Variants in KAT2A observed in about 807,000 individuals in gnomAD.
The protein encoded by KAT2A is histone acetyltransferase KAT2A.
A neutral mutation model predicts 95.2 loss-of-function variants in KAT2A; 42 were observed. That is an observed-to-expected ratio of 0.44 (90% CI 0.34 to 0.57). KAT2A has a LOEUF of 0.57. Ranked by LOEUF, KAT2A falls within the 20% of genes least tolerant of loss-of-function variation. KAT2A has a pLI of 0.01. For synonymous variants in KAT2A, 449 were observed against 448.2 expected, an observed-to-expected ratio of 1.00 and a Z score of -0.02; for missense variants, 784 against 1,126.3, an observed-to-expected ratio of 0.70 and a Z score of 4.35.
At position 42,113,380 on chromosome 17, in the gene KAT2A, C is replaced by T. The variant is rs536654150; in HGVS notation, c.*269G>A. 1 of 349,316 alleles carries T rather than the reference C, an allele frequency of 2.9e-6. No homozygotes were observed. The highest frequency in any genetic ancestry group is 2.2e-5 in the African/African-American group (1 of 46,318). 21.6% of individuals were successfully genotyped at this position (349,316 alleles called of 1,614,324 possible). A position where few individuals can be genotyped will look rare whatever the true frequency, so the allele number is the denominator to read the frequency against. On this transcript the variant is annotated 3_prime_UTR_variant, in exon 18 of 18. Transcript: ENST00000225916. Reference sequence around the variant, plus strand: ...GGACCAGGCCTGGGGGCCACCACGGCTGGGCAAGGTTCATCCCTGGCCACC... The same window carrying T: ...GGACCAGGCCTGGGGGCCACCACGGTTGGGCAAGGTTCATCCCTGGCCACC...
At chr17:42,115,609 G>A in intron 12 of KAT2A, 114 bp downstream of exon 12, 1 of 728,068 alleles carries the variant, frequency 1.4e-6, no homozygotes, top group Non-Finnish European at 2.5e-6. Context: ...CTCCTGGCAG[G>A]TGTCAGGTGA....
chr17:42,119,548 G>T lies in KAT2A; in HGVS notation c.870C>A (p.Val290=). 6.3e-7 allele frequency: 1 copy of T among 1,595,976 alleles called. No individual in the cohort carries two copies. Among genetic ancestry groups the T allele is most frequent in the South Asian group, 1.1e-5 (1 of 88,728 alleles). Residue 290 remains valine (V), a synonymous_variant, in exon 5 of 18, where the codon GTC becomes GTA. Transcript: ENST00000225916. This position sits in a 1 kb window ranked among gnomAD's most constrained non-coding sequence, Gnocchi z 5.3. ...CTGGCTGGGCCTACCTGGTGTAATT[G>T]ACCTTGTAGGTAGCCACGTCCTCAG... The part of the protein sequence containing the change: ...SQAEDVATYK[V]NYTRWLCYCH...
intron 12 of KAT2A, 132 bp downstream of exon 12, chr17:42,115,591 T>G: frequency 2.9e-6 from 2 of 681,806 alleles, no homozygotes; most frequent in Non-Finnish European, 5.4e-6. Flanking sequence ...AAGATAGGCA[T>G]GGAGACTCTC....
rs546798267 is a variant in KAT2A, at chr17:42,115,707, C to T, written c.1875+16G>A. 18 of 1,523,052 alleles carry T rather than the reference C, an allele frequency of 1.2e-5. No individual in the cohort carries two copies. The highest frequency in any genetic ancestry group is 6.7e-5 in the East Asian group (3 of 44,454). The allele number at this position is 1,523,052 out of a possible 1,614,324, so 94.3% of individuals were successfully genotyped here. ...CTCCAGGCAAAGGACCGGTGTGGGA[C>T]GAGGCTACGGGTCACCTGCTTTTTG... is the stretch of plus-strand genomic sequence containing the variant. On this transcript the variant is annotated intron_variant, in intron 12 of 17. Coordinates refer to ENST00000225916, the MANE Select transcript of KAT2A (RefSeq NM_021078.3).
chr17:42,113,646 G>A lies in KAT2A; in HGVS notation c.*3C>T, dbSNP rs374588466. Reference sequence around the variant, plus strand: ...AGGTCAGGGCTGCGGCCCAAAGATGGGCCTACTTGTCAATGAGGCCTCCCT... The same window carrying A: ...AGGTCAGGGCTGCGGCCCAAAGATGAGCCTACTTGTCAATGAGGCCTCCCT... On this transcript the variant is annotated 3_prime_UTR_variant, in exon 18 of 18. Transcript: ENST00000225916. 10 of 1,604,822 alleles carry A rather than the reference G, an allele frequency of 6.2e-6. No homozygotes were observed. The highest frequency in any genetic ancestry group is 8.5e-6 in the Non-Finnish European group (10 of 1,177,362).
chr17:42,116,446 G>A (rs782013815), intron 11 of KAT2A, among the ~76,000 whole-genome samples: 2 of 152,228 alleles, frequency 1.3e-5, no homozygotes, highest in East Asian at 1.9e-4. Context: ...GGCTGGGCGC[G>A]GTGGCTCATG....
At position 42,121,179 on chromosome 17, in the gene KAT2A, G is replaced by A; in HGVS notation, c.126C>T (p.Pro42=). 2 of 1,395,152 alleles carry A rather than the reference G, an allele frequency of 1.4e-6. No individual in the cohort carries two copies. The highest frequency in any genetic ancestry group is 1.5e-5 in the African/African-American group (1 of 68,858). The allele number at this position is 1,395,152 out of a possible 1,614,324, so 86.4% of individuals were successfully genotyped here. Reference sequence around the variant, plus strand: ...CTGGGGCAGGGGCTGGTGCCGGGGTGGGAGTCGGAATCGGGGCTGAAGCCG... The same window carrying A: ...CTGGGGCAGGGGCTGGTGCCGGGGTAGGAGTCGGAATCGGGGCTGAAGCCG... ...PSPASAPIPT[P]TPAPAPAPAA... is the part of the protein sequence containing the mutation. The change falls in exon 1 of 18, where the codon CCC becomes CCT. Residue 42 remains proline, a synonymous_variant. Transcript: ENST00000225916.
Position 42,117,870 on chromosome 17 carries a change from G to A in KAT2A, c.1291+37C>T. The A allele has an allele frequency of 6.2e-7, 1 of 1,605,224 alleles. No homozygotes were observed. Among genetic ancestry groups the A allele is most frequent in the Non-Finnish European group, 8.5e-7 (1 of 1,173,746 alleles). On this transcript the variant is annotated intron_variant, in intron 8 of 17. Coordinates refer to ENST00000225916, the MANE Select transcript of KAT2A (RefSeq NM_021078.3). The surrounding 1 kb of genome is among the most constrained non-coding windows in gnomAD (Gnocchi z 8.9). Reference sequence around the variant, plus strand: ...ATCAGTAAAAAAGGTTTGGGAAGGAGTGAATGAGGGTCAGAGGTCAGGGGT... The same window carrying A: ...ATCAGTAAAAAAGGTTTGGGAAGGAATGAATGAGGGTCAGAGGTCAGGGGT...
In KAT2A at chr17:42,114,744, G is replaced by A. The variant is rs888583783; in HGVS notation, c.2020-140C>T. The A allele has an allele frequency of 1.8e-5, 21 of 1,182,260 alleles. 1 individual carries two copies. In the Middle Eastern group the frequency reaches 7.4e-4, roughly 42 times the overall value. The allele number at this position is 1,182,260 out of a possible 1,614,324, so 73.2% of individuals were successfully genotyped here. On this transcript the variant is annotated intron_variant, in intron 13 of 17. Transcript: ENST00000225916. The surrounding 1 kb of genome is among the most constrained non-coding windows in gnomAD (Gnocchi z 6.0). ...ACCTCCCCTCATAACTTCCCCAAGG[G>A]AGCAGAGCAAGAGCCAAGATCCTGG...
rs782742311 is a variant in KAT2A, at chr17:42,119,556, A to T, written c.862T>A (p.Tyr288Asn). Reference protein sequence around the residue: ...QRSQAEDVATYKVNYTRWLCY... With the variant: ...QRSQAEDVATNKVNYTRWLCY... The stretch of plus-strand genomic sequence containing the variant: ...GCCTACCTGGTGTAATTGACCTTGT[A>T]GGTAGCCACGTCCTCAGCCTGAGAC... The change falls in exon 5 of 18, where the codon TAC becomes AAC. Residue 288 changes from tyrosine to asparagine, a missense_variant. Transcript: ENST00000225916. This position sits in a 1 kb window ranked among gnomAD's most constrained non-coding sequence, Gnocchi z 5.3. 6.3e-7 allele frequency: 1 copy of T among 1,599,768 alleles called. No homozygotes were observed. Among genetic ancestry groups the T allele is most frequent in the Non-Finnish European group, 8.5e-7 (1 of 1,172,314 alleles).
rs2054282629 is a variant in KAT2A at position 42,117,991 on chromosome 17, TG to T, written c.1206del (p.Ser403AlafsTer17). On this transcript the variant is annotated frameshift_variant, in exon 8 of 18. Transcript: ENST00000225916. LOFTEE classifies it high-confidence loss of function. The surrounding 1 kb of genome is among the most constrained non-coding windows in gnomAD (Gnocchi z 8.9). Reference protein sequence around the residue: ...RPASVSAAVVPSTPIFSPSMG... With the variant: ...RPASVSAAVVXSTPIFSPSMG... The stretch of plus-strand genomic sequence containing the variant: ...ATGCTGGGGCTGAAGATGGGGGTGC[TG>T]GGAACAACCGCTGCACTGACTGAAG... 1 of 1,603,708 alleles carries T rather than the reference TG, an allele frequency of 6.2e-7. No homozygotes were observed. Among genetic ancestry groups the T allele is most frequent in the African/African-American group, 1.4e-5 (1 of 73,068 alleles).
rs4081541 is a variant in KAT2A, at chr17:42,114,645, A to G, written c.2020-41T>C. On this transcript the variant is annotated intron_variant, in intron 13 of 17. Coordinates refer to ENST00000225916, the MANE Select transcript of KAT2A (RefSeq NM_021078.3). The surrounding 1 kb of genome is among the most constrained non-coding windows in gnomAD (Gnocchi z 6.0). Reference sequence around the variant, plus strand: ...GACTGAGGGGCCAACTCCAGCCCCAACAACAACCCCTCCCAGGGCCACAGT... The same window carrying G: ...GACTGAGGGGCCAACTCCAGCCCCAGCAACAACCCCTCCCAGGGCCACAGT... 7.7e-3 allele frequency: 12,003 copies of G among 1,549,846 alleles called. 75 individuals are homozygous for G. The highest frequency in any genetic ancestry group is 0.019 in the Admixed American group (1,120 of 59,714).
At position 42,119,278 on chromosome 17, in the gene KAT2A, T is replaced by C; in HGVS notation, c.1040A>G (p.Glu347Gly). 6.2e-7 allele frequency: 1 copy of C among 1,613,448 alleles called. No homozygotes were observed. The change falls in exon 6 of 18, where the codon GAG becomes GGG. Residue 347 changes from glutamate (E) to glycine (G), a missense_variant. By Grantham distance (98) the Glu-to-Gly change is moderately conservative. Around this residue, in one of 6 missense-constraint regions of KAT2A, gnomAD observed 208 missense variants for 339.7 expected, o/e 0.61. Transcript: ENST00000225916. This position sits in a 1 kb window ranked among gnomAD's most constrained non-coding sequence, Gnocchi z 5.3. ...FRVEKDKLVP[E>G]KRTLILTHFP... Reference sequence around the variant, plus strand: ...GTGAGTGAGGATGAGGGTCCTCTTCTCGGGCACCAATTTGTCCTTCTCCAC... The same window carrying C: ...GTGAGTGAGGATGAGGGTCCTCTTCCCGGGCACCAATTTGTCCTTCTCCAC...
chr17:42,115,895 T>C (rs2054251361), intron 11 of KAT2A, 62 bp from the exon 12 acceptor site: 1 of 930,032 alleles, frequency 1.1e-6, no homozygotes, highest in South Asian at 1.3e-5. Flanking sequence ...TGGAGAGGTC[T>C]CAGAGACCAG....
chr17:42,113,822 G>T lies in KAT2A; in HGVS notation c.2341C>A (p.Arg781=). The T allele has an allele frequency of 6.3e-7, 1 of 1,597,148 alleles. No individual in the cohort carries two copies. Residue 781 remains arginine (R), a synonymous_variant, in exon 18 of 18, where the codon CGG becomes AGG. Coordinates refer to ENST00000225916, the MANE Select transcript of KAT2A (RefSeq NM_021078.3). The stretch of plus-strand genomic sequence containing the variant: ...GTCACGTAGTAGCGGCTTCGCAGCC[G>T]CTCAGTCATGGTCTTCAGGTCTGGG... ...FPIDLKTMTE[R]LRSRYYVTRK...
rs370104918 is a variant in KAT2A, at chr17:42,113,846, G to T, written c.2321-4C>A. ...CGCTCAGTCATGGTCTTCAGGTCTG[G>T]GGCAGCAGGAGACGGAGCACAGCTT... On this transcript the variant is annotated splice_region_variant and splice_polypyrimidine_tract_variant and intron_variant, in intron 17 of 17. Transcript: ENST00000225916. The T allele has an allele frequency of 2.5e-6, 4 of 1,574,576 alleles. No homozygotes were observed. The highest frequency in any genetic ancestry group is 2.8e-5 in the African/African-American group (2 of 72,620).
chr17:42,119,756 G>T lies in KAT2A; in HGVS notation c.700-38C>A. ...GGGTGGGGGATAAAACCAGGAATGA[G>T]GTGTGAGCAGCCCGCAGGGCCTTCT... is the stretch of plus-strand genomic sequence containing the variant. On this transcript the variant is annotated intron_variant, in intron 4 of 17. Coordinates refer to ENST00000225916, the MANE Select transcript of KAT2A (RefSeq NM_021078.3). The surrounding 1 kb of genome is among the most constrained non-coding windows in gnomAD (Gnocchi z 5.3). 3.9e-6 allele frequency: 6 copies of T among 1,540,322 alleles called. No homozygotes were observed. The highest frequency in any genetic ancestry group is 1.2e-5 in the South Asian group (1 of 81,550).
At chr17:42,118,593 A>G (rs1303942182) in intron 6 of KAT2A, among the ~76,000 whole-genome samples, 190 bp from the exon 7 acceptor site, 1 of 152,212 alleles carries the variant, frequency 6.6e-6, no homozygotes, top group Non-Finnish European at 1.5e-5. Context: ...CATCCAGGAC[A>G]GAGATCAAAC....
At position 42,119,391 on chromosome 17, in the gene KAT2A, G is replaced by A. The variant is rs782602041; in HGVS notation, c.927C>T (p.Pro309=). 1.2e-6 allele frequency: 2 copies of A among 1,613,922 alleles called. No homozygotes were observed. The highest frequency in any genetic ancestry group is 3.3e-5 in the Admixed American group (2 of 59,986). ...CHVPQSCDSL[P]RYETTHVFGR... is the part of the protein sequence containing the mutation. Reference sequence around the variant, plus strand: ...CAAAGACATGAGTGGTTTCGTAGCGGGGGAGGCTATCACAGCTCTGGGGCA... The same window carrying A: ...CAAAGACATGAGTGGTTTCGTAGCGAGGGAGGCTATCACAGCTCTGGGGCA... The change falls in exon 6 of 18, where the codon CCC becomes CCT. Residue 309 remains proline, a synonymous_variant. Coordinates refer to ENST00000225916, the MANE Select transcript of KAT2A (RefSeq NM_021078.3). This position sits in a 1 kb window ranked among gnomAD's most constrained non-coding sequence, Gnocchi z 5.3.
Sources: allele counts gnomAD v4.1 joint callset (sites outside exome capture counted in the v4.1 genomes callset), GRCh38; gene constraint gnomAD v4.1.1; regional missense constraint gnomAD v4.1.1; non-coding constraint Gnocchi (gnomAD v3.1); transcripts MANE v1.5; gene names NCBI Gene and HGNC (gene_info 2026-07-23, HGNC 2026-07-21).